DOC2B: variants seen among roughly 807,000 people sequenced by gnomAD.
DOC2B encodes the protein double C2 domain beta, also known as double C2-like domain-containing protein beta.
A neutral mutation model predicts 28.9 loss-of-function variants in DOC2B; 21 were observed. The ratio of observed to expected loss-of-function variants is 0.73; its 90% CI spans 0.52 to 1.05. The LOEUF is 1.05. Among genes scored for constraint, DOC2B ranks in the 50% least tolerant of loss-of-function variants. DOC2B has a pLI of 0.00. For missense variants in DOC2B, 384 were observed against 421.1 expected (o/e 0.91, Z 0.77); for synonymous variants, 194 against 178.1 (o/e 1.09, Z -0.71).
At chr17:155,007 G>A (rs1555522256) in intron 6 of DOC2B, among the ~76,000 whole-genome samples, 1 of 152,132 alleles carries the variant, frequency 6.6e-6, no homozygotes, top group African/African-American at 2.4e-5. Flanking sequence ...GGGATTACAA[G>A]CACGAGCCAC....
chr17:160,938 G>A lies in DOC2B; in HGVS notation c.765+477C>T, dbSNP rs3794814. 4.0e-4 allele frequency among the ~76,000 whole-genome samples: 61 copies of A among 152,262 alleles called. No homozygotes were observed. In the East Asian group the frequency reaches 0.01, roughly 26 times the overall value. ...CGCGTCCTGTCCACCCGTGGTCCCT[G>A]CTGAGTCCTCTGAGTGCAGCAAACA... On this transcript the variant is annotated intron_variant, in intron 5 of 8. Coordinates refer to ENST00000613549, the MANE Select transcript of DOC2B (RefSeq NM_003585.5).
rs928531050 is a variant in DOC2B at position 143,424 on chromosome 17, G to A, written c.*4017C>T. On this transcript the variant is annotated 3_prime_UTR_variant, in exon 9 of 9. Coordinates refer to ENST00000613549, the MANE Select transcript of DOC2B (RefSeq NM_003585.5). ...GGCTCACTGCAATCCCCACTTTCCA[G>A]GCTCAAGCGATCCTCCTCCTCCTAC... The A allele has an allele frequency of 6.8e-6, 1 of 146,476 alleles. No individual in the cohort carries two copies. Among genetic ancestry groups the A allele is most frequent in the Non-Finnish European group, 1.5e-5 (1 of 67,616 alleles). The allele number at this position is 146,476 out of a possible 1,614,324, so 9.1% of individuals were successfully genotyped here.
intron 1 of DOC2B, among the ~76,000 whole-genome samples, chr17:173,287 A>C (rs1036719158): frequency 1.3e-5 from 2 of 152,116 alleles, no homozygotes; most frequent in African/African-American, 4.8e-5. Flanking sequence ...CCCGGGGGCA[A>C]TCACTCATAG....
intron 5 of DOC2B, among the ~76,000 whole-genome samples, chr17:157,054 A>G (rs986021466): frequency 6.6e-6 from 1 of 152,236 alleles, no homozygotes; most frequent in African/African-American, 2.4e-5. Context: ...ACAGAGCTGC[A>G]TGGTGGCCAC....
intron 6 of DOC2B, among the ~76,000 whole-genome samples, chr17:149,963 C>A (rs2040054492): frequency 6.6e-6 from 1 of 152,190 alleles, no homozygotes; most frequent in Non-Finnish European, 1.5e-5. Flanking sequence ...AAGGACAAGA[C>A]CTTTTGTGCA....
chr17:149,261 T>A, intron 6 of DOC2B, 69 bp from the exon 7 acceptor site: 1 of 398,914 alleles, frequency 2.5e-6, no homozygotes, highest in Non-Finnish European at 4.4e-6. Context: ...AGCCAGCAGG[T>A]ATTCAAAGAG....
At chr17:162,719 C>T (rs71369953) in intron 3 of DOC2B, among the ~76,000 whole-genome samples, 1,605 of 152,306 alleles carry the variant, frequency 0.011, 15 homozygotes, top group Non-Finnish European at 0.017. Context: ...TTGCAGCAGC[C>T]GTAGGAGGCT....
In DOC2B at chr17:181,035, A is replaced by C. The variant is rs1597840727; in HGVS notation, c.373+72T>G. 1 of 1,163,016 alleles carries C rather than the reference A, an allele frequency of 8.6e-7. No homozygotes were observed. Among genetic ancestry groups the C allele is most frequent in the Non-Finnish European group, 1.1e-6 (1 of 933,816 alleles). The allele number at this position is 1,163,016 out of a possible 1,614,324, so 72.0% of individuals were successfully genotyped here. On this transcript the variant is annotated intron_variant, in intron 1 of 8. Coordinates refer to ENST00000613549, the MANE Select transcript of DOC2B (RefSeq NM_003585.5). This position sits in a 1 kb window ranked among gnomAD's most constrained non-coding sequence, Gnocchi z 7.0. Reference sequence around the variant, plus strand: ...CGCGCGAGGGGGACCGGCGGAGGGAAGCCGCGAGGCCGTGGGGGGGCCGAG... The same window carrying C: ...CGCGCGAGGGGGACCGGCGGAGGGACGCCGCGAGGCCGTGGGGGGGCCGAG...
At chr17:180,815 A>C (rs2040432036) in intron 1 of DOC2B, among the ~76,000 whole-genome samples, 1 of 151,690 alleles carries the variant, frequency 6.6e-6, no homozygotes, top group African/African-American at 2.4e-5. Context: ...GCTGGCAGGG[A>C]GGGGGCGCGG....
intron 2 of DOC2B, among the ~76,000 whole-genome samples, chr17:165,325 C>T (rs2040250055): frequency 6.6e-6 from 1 of 151,366 alleles, no homozygotes; most frequent in Non-Finnish European, 1.5e-5. Context: ...CTTCAAAAAA[C>T]TAAAAAATTA....
chr17:181,608 G>A lies in DOC2B; in HGVS notation c.-129C>T, dbSNP rs2040445778. ...GCCGGCCGCGCCCCCGGACGGCCCTGACTTGGCCGCTGCCCGCTCCGCTGC... is the reference window on the plus strand; with the variant it reads ...GCCGGCCGCGCCCCCGGACGGCCCTAACTTGGCCGCTGCCCGCTCCGCTGC... On this transcript the variant is annotated 5_prime_UTR_variant, in exon 1 of 9. Transcript: ENST00000613549. This position sits in a 1 kb window ranked among gnomAD's most constrained non-coding sequence, Gnocchi z 7.0. The A allele has an allele frequency of 6.8e-6, 2 of 292,600 alleles. No individual in the cohort carries two copies. Among genetic ancestry groups the A allele is most frequent in the Non-Finnish European group, 1.0e-5 (2 of 199,236 alleles). The allele number at this position is 292,600 out of a possible 1,614,324, so 18.1% of individuals were successfully genotyped here.
At chr17:180,160 C>A (rs979351481) in intron 1 of DOC2B, among the ~76,000 whole-genome samples, 1 of 152,378 alleles carries the variant, frequency 6.6e-6, no homozygotes, top group Admixed American at 6.5e-5. Context: ...AAGTCTGGAG[C>A]CACAGCTGAG....
At chr17:156,993 G>A (rs1034821421) in intron 5 of DOC2B, among the ~76,000 whole-genome samples, 6 of 152,214 alleles carry the variant, frequency 3.9e-5, no homozygotes, top group Admixed American at 2.0e-4. Flanking sequence ...TTGTTGGAAC[G>A]CAGCCTTGCC....
At chr17:154,016 T>A (rs1002415650) in intron 6 of DOC2B, among the ~76,000 whole-genome samples, 4 of 152,182 alleles carry the variant, frequency 2.6e-5, no homozygotes, top group Non-Finnish European at 4.4e-5. Flanking sequence ...TCTGGACACG[T>A]CATAGAAATA....
At position 179,253 on chromosome 17, in the gene DOC2B, C is replaced by T. The variant is rs572227789; in HGVS notation, c.373+1854G>A. ...CCTCATGTGAGTCTGGCCCCTGCAC[C>T]GCATGTATCTCAGGCCAGGGGCCCA... On this transcript the variant is annotated intron_variant, in intron 1 of 8. Coordinates refer to ENST00000613549, the MANE Select transcript of DOC2B (RefSeq NM_003585.5). 2.0e-3 allele frequency among the ~76,000 whole-genome samples: 311 copies of T among 152,310 alleles called. 3 individuals carry two copies. Among genetic ancestry groups the T allele is most frequent in the African/African-American group, 6.6e-3 (273 of 41,576 alleles).
At chr17:156,014 T>C in intron 6 of DOC2B, 2 of 586,442 alleles carry the variant, frequency 3.4e-6, no homozygotes, top group South Asian at 4.5e-5. Flanking sequence ...CCACTCAGCT[T>C]CTCTGTCCCT....
rs2040439000 is a variant in DOC2B at position 181,217 on chromosome 17, C to G, written c.263G>C (p.Gly88Ala). The G allele has an allele frequency of 4.1e-6, 5 of 1,223,456 alleles. No homozygotes were observed. Among genetic ancestry groups the G allele is most frequent in the Non-Finnish European group, 5.1e-6 (5 of 982,362 alleles). The allele number at this position is 1,223,456 out of a possible 1,614,324, so 75.8% of individuals were successfully genotyped here. The change falls in exon 1 of 9, where the codon GGA becomes GCA. Residue 88 changes from glycine to alanine, a missense_variant. Coordinates refer to ENST00000613549, the MANE Select transcript of DOC2B (RefSeq NM_003585.5). The surrounding 1 kb of genome is among the most constrained non-coding windows in gnomAD (Gnocchi z 7.0). ...GGGGCCCGGGCTGGAGCCGTAGGCT[C>G]CGAAGAGCTGGTCCACATCCTCGTC... ...EDDEDVDQLF[G>A]AYGSSPGPSP... is the part of the protein sequence containing the mutation.
intron 1 of DOC2B, among the ~76,000 whole-genome samples, chr17:178,262 C>T (rs902040052): frequency 3.9e-5 from 6 of 152,220 alleles, no homozygotes; most frequent in Non-Finnish European, 5.9e-5. Flanking sequence ...CAAGGAAAAA[C>T]GCACAGCCAC....
intron 1 of DOC2B, among the ~76,000 whole-genome samples, chr17:175,545 C>G (rs189620175): frequency 6.6e-6 from 1 of 152,234 alleles, no homozygotes; most frequent in Non-Finnish European, 1.5e-5. Context: ...GTTCCCCCAA[C>G]GAATTAGCCC....
Sources: gnomAD v4.1 joint callset for allele counts (sites outside exome capture counted in the v4.1 genomes callset) on GRCh38, gnomAD v4.1.1 for gene constraint, Gnocchi (gnomAD v3.1) non-coding constraint, MANE v1.5 for transcripts, NCBI Gene and HGNC (gene_info 2026-07-23, HGNC 2026-07-21) for gene names.